CNTN5: variants seen among roughly 807,000 people sequenced by gnomAD.
CNTN5 encodes contactin 5.
CNTN5 carries 77 observed loss-of-function variants against 129.1 expected under a neutral mutation model. That is an observed-to-expected ratio of 0.60 (90% CI 0.50 to 0.72). The LOEUF (loss-of-function observed/expected upper bound fraction) is 0.72. Among genes scored for constraint, CNTN5 ranks in the 30% least tolerant of loss-of-function variants. CNTN5 has a pLI of 0.00. For missense variants in CNTN5, 1,478 were observed against 1,328.8 expected, an observed-to-expected ratio of 1.11 and a Z score of -1.75; for synonymous variants, 509 against 465.6, an observed-to-expected ratio of 1.09 and a Z score of -1.20.
At position 99,675,644 on chromosome 11, in the gene CNTN5, C is replaced by T. The variant is rs529149995; in HGVS notation, c.55+119375C>T. ...AGGTTGCAGTGAGCTGAGATTGTGC[C>T]CCACTGCCCTCCAGCCTGTCGACAG... On this transcript the variant is annotated intron_variant, in intron 3 of 24. Transcript: ENST00000524871. 9.3e-4 allele frequency among the ~76,000 whole-genome samples: 141 copies of T among 152,076 alleles called. 1 individual carries two copies. Among genetic ancestry groups the T allele is most frequent in the South Asian group, 2.7e-3 (13 of 4,816 alleles).
At chr11:99,470,654 T>A (rs1352132095) in intron 2 of CNTN5, among the ~76,000 whole-genome samples, 1 of 152,064 alleles carries the variant, frequency 6.6e-6, no homozygotes, top group Non-Finnish European at 1.5e-5. Flanking sequence ...CACACCTAAC[T>A]TTTTTGCCCC....
chr11:99,300,479 G>A (rs963294326), intron 1 of CNTN5, among the ~76,000 whole-genome samples: 9 of 151,908 alleles, frequency 5.9e-5, no homozygotes, highest in Non-Finnish European at 1.0e-4. Flanking sequence ...TTTGATCATG[G>A]TGTATTATTT....
chr11:99,913,870 G>T (rs938311493), intron 6 of CNTN5, among the ~76,000 whole-genome samples: 6 of 152,098 alleles, frequency 3.9e-5, no homozygotes, highest in African/African-American at 1.2e-4. Flanking sequence ...TAAAAATTCA[G>T]TTAAAATAAA....
intron 16 of CNTN5, among the ~76,000 whole-genome samples, chr11:100,248,712 G>A (rs1010733058): frequency 6.6e-6 from 1 of 152,150 alleles, no homozygotes; most frequent in Non-Finnish European, 1.5e-5. Flanking sequence ...ATCTATGTGA[G>A]AAAAAGCCAG....
chr11:99,045,839 T>C (rs1243086789), intron 1 of CNTN5, among the ~76,000 whole-genome samples: 1 of 152,130 alleles, frequency 6.6e-6, no homozygotes, highest in East Asian at 1.9e-4. Context: ...GTAACATGGA[T>C]GTAAAACTAC....
Position 100,094,765 on chromosome 11 carries a change from A to AAGG in CNTN5, c.1580+20472_1580+20473insGGA, listed in dbSNP as rs1491219635. Among the ~76,000 whole-genome samples, 622 of 113,938 alleles carry AAGG rather than the reference A, an allele frequency of 5.5e-3. 2 individuals carry two copies. The highest frequency in any genetic ancestry group is 0.018 in the African/African-American group (560 of 30,970). 74.7% of individuals were successfully genotyped at this position (113,938 alleles called of 152,430 possible). A position where few individuals can be genotyped will look rare whatever the true frequency, so the allele number is the denominator to read the frequency against. ...AAGAAGAAGGAGGGAGGGAGGGAGG[A>AAGG]AAGGAAGGAAGGAAGGAAGGAAGGA... On this transcript the variant is annotated intron_variant, in intron 13 of 24. Transcript: ENST00000524871.
intron 3 of CNTN5, among the ~76,000 whole-genome samples, chr11:99,711,830 C>T (rs566194433): frequency 8.5e-5 from 13 of 152,140 alleles, no homozygotes; most frequent in Non-Finnish European, 1.2e-4. Context: ...TTTAAGGCTG[C>T]GTAGTATCCC....
chr11:100,101,396 C>A (rs1945218462), intron 13 of CNTN5, among the ~76,000 whole-genome samples: 2 of 151,992 alleles, frequency 1.3e-5, no homozygotes, highest in South Asian at 4.1e-4. Flanking sequence ...AAGGGAGGAA[C>A]AATCCACTTT....
intron 3 of CNTN5, among the ~76,000 whole-genome samples, chr11:99,653,896 A>G (rs996771545): frequency 2.0e-5 from 3 of 152,022 alleles, no homozygotes; most frequent in Admixed American, 6.6e-5. Flanking sequence ...GCAGCTTCTA[A>G]ACTGTAAGTT....
chr11:99,616,593 G>A (rs1950767165), intron 3 of CNTN5, among the ~76,000 whole-genome samples: 1 of 152,092 alleles, frequency 6.6e-6, no homozygotes, highest in African/African-American at 2.4e-5. Context: ...TGGATAATAG[G>A]CTATTATATA....
chr11:99,040,297 T>C (rs1282417110), intron 1 of CNTN5, among the ~76,000 whole-genome samples: 1 of 152,096 alleles, frequency 6.6e-6, no homozygotes, highest in Non-Finnish European at 1.5e-5. Flanking sequence ...TAAAGACAAA[T>C]ACCATGAAAA....
chr11:99,195,390 T>G (rs946229172), intron 1 of CNTN5, among the ~76,000 whole-genome samples: 1 of 152,260 alleles, frequency 6.6e-6, no homozygotes, highest in African/African-American at 2.4e-5. Context: ...ATGCTATACA[T>G]GGTTTAAATG....
chr11:99,999,908 CA>C (rs991051372), intron 8 of CNTN5, among the ~76,000 whole-genome samples: 6 of 150,370 alleles, frequency 4.0e-5, no homozygotes, highest in African/African-American at 9.8e-5. Flanking sequence ...GTCGCAAGGC[CA>C]AAAAACCAAA....
intron 2 of CNTN5, among the ~76,000 whole-genome samples, chr11:99,429,828 C>T (rs1327876799): frequency 2.0e-5 from 3 of 152,010 alleles, no homozygotes; most frequent in Non-Finnish European, 2.9e-5. Flanking sequence ...ATTTTAAACA[C>T]ACTGAGAGTA....
intron 1 of CNTN5, among the ~76,000 whole-genome samples, chr11:99,059,968 A>C (rs907089628): frequency 6.6e-6 from 1 of 152,086 alleles, no homozygotes; most frequent in African/African-American, 2.4e-5. Context: ...TATATAATTC[A>C]AATGCAATTT....
intron 14 of CNTN5, among the ~76,000 whole-genome samples, chr11:100,192,367 G>A (rs1372414162): frequency 6.6e-6 from 1 of 151,966 alleles, no homozygotes; most frequent in African/African-American, 2.4e-5. Context: ...CCAGAACTTA[G>A]AATGCCATAT....
At chr11:99,641,166 A>C (rs1951757206) in intron 3 of CNTN5, among the ~76,000 whole-genome samples, 1 of 152,166 alleles carries the variant, frequency 6.6e-6, no homozygotes, top group East Asian at 1.9e-4. Flanking sequence ...ACAAATTGAG[A>C]TTTAAACTAT....
intron 21 of CNTN5, among the ~76,000 whole-genome samples, chr11:100,324,131 C>A (rs956791242): frequency 2.6e-5 from 4 of 152,100 alleles, no homozygotes; most frequent in Admixed American, 2.6e-4. Flanking sequence ...TTGAGGACTG[C>A]AACCCAGGAG....
chr11:99,473,989 T>C (rs1255784612), intron 2 of CNTN5, among the ~76,000 whole-genome samples: 1 of 152,048 alleles, frequency 6.6e-6, no homozygotes, highest in Non-Finnish European at 1.5e-5. Flanking sequence ...ACTTTTTACA[T>C]AAAATGGCTT....
Sources: gnomAD v4.1 joint callset for allele counts (sites outside exome capture counted in the v4.1 genomes callset) on GRCh38, gnomAD v4.1.1 for gene constraint, MANE v1.5 for transcripts, NCBI Gene and HGNC (gene_info 2026-07-23, HGNC 2026-07-21) for gene names.